The following NALF1 variants were observed in gnomAD, a reference collection of about 807,000 sequenced individuals.
NALF1 encodes NALCN channel auxiliary factor 1.
NALF1 carries 3 observed loss-of-function variants against 48.4 expected under a neutral mutation model. The observed-to-expected ratio is 0.06, with a 90% CI of 0.03 to 0.16. The LOEUF is 0.16. Among genes scored for constraint, NALF1 ranks in the 10% least tolerant of loss-of-function variants. NALF1 has a pLI of 1.00. For missense variants in NALF1, 526 were observed against 571.5 expected (o/e 0.92, Z 0.81); for synonymous variants, 262 against 245.7 (o/e 1.07, Z -0.62).
intron 1 of NALF1, among the ~76,000 whole-genome samples, chr13:107,837,166 C>T (rs569696598): frequency 1.3e-5 from 2 of 152,130 alleles, no homozygotes; most frequent in Non-Finnish European, 2.9e-5. Context: ...TGTCCCCTAG[C>T]CCCCTTTAAA....
chr13:107,394,290 T>C (rs1048403377), intron 1 of NALF1, among the ~76,000 whole-genome samples: 2 of 152,222 alleles, frequency 1.3e-5, no homozygotes, highest in African/African-American at 2.4e-5. Flanking sequence ...TCAGACGAAC[T>C]GTGGCAGTGT....
chr13:107,625,673 GC>G (rs1317525326), intron 1 of NALF1, among the ~76,000 whole-genome samples: 1 of 151,926 alleles, frequency 6.6e-6, no homozygotes, highest in Non-Finnish European at 1.5e-5. Flanking sequence ...CCCTCATATA[GC>G]CATTCATCTA....
chr13:107,693,401 A>G lies in NALF1; in HGVS notation c.915+172281T>C, dbSNP rs144656738. Among the ~76,000 whole-genome samples the G allele has an allele frequency of 3.7e-3, 558 of 152,136 alleles. 6 individuals carry two copies. The highest frequency in any genetic ancestry group is 0.013 in the African/African-American group (531 of 41,508). Reference sequence around the variant, plus strand: ...ACGAGTTGATGGGTGCAGCACACCAACATGGCGCATGTATACTTATGTAAC... The same window carrying G: ...ACGAGTTGATGGGTGCAGCACACCAGCATGGCGCATGTATACTTATGTAAC... On this transcript the variant is annotated intron_variant, in intron 1 of 2. Coordinates refer to ENST00000375915, the MANE Select transcript of NALF1 (RefSeq NM_001080396.3).
rs1482637626 is a variant in NALF1, at chr13:107,270,653, A to T, written c.916-59898T>A. Among the ~76,000 whole-genome samples, 12 of 59,726 alleles carry T rather than the reference A, an allele frequency of 2.0e-4. No individual in the cohort carries two copies. The South Asian group carries it at 3.1e-3, about 15-fold the overall frequency. 39.2% of individuals were successfully genotyped at this position (59,726 alleles called of 152,430 possible). A position where few individuals can be genotyped will look rare whatever the true frequency, so the allele number is the denominator to read the frequency against. On this transcript the variant is annotated intron_variant, in intron 1 of 2. Coordinates refer to ENST00000375915, the MANE Select transcript of NALF1 (RefSeq NM_001080396.3). ...AAAACTGGAAACTTTGTTGATAGTTATATATATATATATTTTTATTATTAT... is the reference window on the plus strand; with the variant it reads ...AAAACTGGAAACTTTGTTGATAGTTTTATATATATATATTTTTATTATTAT...
At chr13:107,404,701 A>T (rs1594157931) in intron 1 of NALF1, among the ~76,000 whole-genome samples, 1 of 152,126 alleles carries the variant, frequency 6.6e-6, no homozygotes, top group Admixed American at 6.6e-5. Flanking sequence ...TTGCTACAAA[A>T]TGAGTTTTAT....
intron 1 of NALF1, among the ~76,000 whole-genome samples, chr13:107,640,856 C>T (rs1373944240): frequency 6.6e-6 from 1 of 152,082 alleles, no homozygotes; most frequent in East Asian, 1.9e-4. Context: ...GTATGAGGCC[C>T]TATGGCAAGA....
chr13:107,366,494 A>C (rs1291234426), intron 1 of NALF1, among the ~76,000 whole-genome samples: 1 of 152,184 alleles, frequency 6.6e-6, no homozygotes, highest in Non-Finnish European at 1.5e-5. Context: ...TACCAACAAA[A>C]GGGGCTCAGC....
intron 1 of NALF1, among the ~76,000 whole-genome samples, chr13:107,732,781 A>C (rs1594233847): frequency 3.3e-5 from 5 of 152,276 alleles, no homozygotes; most frequent in Admixed American, 3.3e-4. Context: ...AGAGTAACAT[A>C]AACCTATTGC....
At chr13:107,372,370 T>C (rs9555355) in intron 1 of NALF1, among the ~76,000 whole-genome samples, 77,912 of 152,112 alleles carry the variant, frequency 0.51, 20,688 homozygotes, top group East Asian at 0.74. Flanking sequence ...ATGGGACAAA[T>C]GACATGCCAG....
intron 1 of NALF1, among the ~76,000 whole-genome samples, chr13:107,213,166 A>AT (rs972292819): frequency 1.5e-5 from 2 of 134,600 alleles, no homozygotes; most frequent in Admixed American, 9.0e-5. Context: ...GAACATATCC[A>AT]TTTTTATTCT....
intron 2 of NALF1, among the ~76,000 whole-genome samples, chr13:107,209,727 A>G (rs1265742993): frequency 6.6e-6 from 1 of 152,178 alleles, no homozygotes; most frequent in African/African-American, 2.4e-5. Flanking sequence ...GTCTCTACAC[A>G]TATGATGGTG....
chr13:107,632,950 T>C (rs1024260748), intron 1 of NALF1, among the ~76,000 whole-genome samples: 6 of 149,976 alleles, frequency 4.0e-5, no homozygotes, highest in African/African-American at 1.5e-4. Context: ...TGGATTTCAC[T>C]TGGTGCAGCT....
intron 1 of NALF1, among the ~76,000 whole-genome samples, chr13:107,588,486 C>T (rs1878518074): frequency 2.6e-5 from 4 of 151,948 alleles, no homozygotes; most frequent in Admixed American, 2.6e-4. Context: ...AGAAAAAGCA[C>T]CTGCAATTAT....
At position 107,602,992 on chromosome 13, in the gene NALF1, T is replaced by C. The variant is rs1458477636; in HGVS notation, c.915+262690A>G. Among the ~76,000 whole-genome samples the C allele has an allele frequency of 2.0e-5, 3 of 152,310 alleles. No homozygotes were observed. In the East Asian group the frequency reaches 5.8e-4, roughly 29 times the overall value. ...GGGCAATTTCGCAGCTCTCTTAACATAGACAGACTCTCTGGTCTCAGTCAT... is the reference window on the plus strand; with the variant it reads ...GGGCAATTTCGCAGCTCTCTTAACACAGACAGACTCTCTGGTCTCAGTCAT... On this transcript the variant is annotated intron_variant, in intron 1 of 2. Transcript: ENST00000375915.
At chr13:107,283,323 A>C (rs760951299) in intron 1 of NALF1, among the ~76,000 whole-genome samples, 6 of 152,204 alleles carry the variant, frequency 3.9e-5, no homozygotes, top group Non-Finnish European at 8.8e-5. Context: ...AACATGGTGA[A>C]GTACGGCAGC....
intron 1 of NALF1, among the ~76,000 whole-genome samples, chr13:107,244,937 A>C (rs1880550067): frequency 6.6e-6 from 1 of 152,210 alleles, no homozygotes. Flanking sequence ...TATTTATTTA[A>C]GACCCAATGA....
At chr13:107,751,184 C>G (rs1483407274) in intron 1 of NALF1, among the ~76,000 whole-genome samples, 2 of 152,178 alleles carry the variant, frequency 1.3e-5, no homozygotes, top group African/African-American at 4.8e-5. Flanking sequence ...ACCTGCCTTA[C>G]CCTTTTTGGA....
chr13:107,355,670 ACTTG>A (rs1882951152), intron 1 of NALF1, among the ~76,000 whole-genome samples: 1 of 151,746 alleles, frequency 6.6e-6, no homozygotes, highest in South Asian at 2.1e-4. Context: ...CCACATGAAG[ACTTG>A]CTTGCTTCCC....
chr13:107,733,275 G>C (rs1876367115), intron 1 of NALF1, among the ~76,000 whole-genome samples: 2 of 152,142 alleles, frequency 1.3e-5, no homozygotes, highest in African/African-American at 4.8e-5. Context: ...AGTGACAGCA[G>C]CACATTGCAA....
Sources: gnomAD v4.1 joint callset for allele counts (sites outside exome capture counted in the v4.1 genomes callset) on GRCh38, gnomAD v4.1.1 for gene constraint, MANE v1.5 for transcripts, NCBI Gene and HGNC (gene_info 2026-07-23, HGNC 2026-07-21) for gene names.